DPYD: variants seen among roughly 807,000 people sequenced by gnomAD.
DPYD encodes dihydropyrimidine dehydrogenase, also known as dihydropyrimidine dehydrogenase [NADP(+)].
Under a neutral mutation model 116.2 loss-of-function variants are expected in DPYD, and 109 were observed. The observed-to-expected ratio is 0.94, with a 90% confidence interval of 0.80 to 1.10. The LOEUF (loss-of-function observed/expected upper bound fraction) is 1.10. Among genes scored for constraint, DPYD ranks in the 50% least tolerant of loss-of-function variants. DPYD has a pLI of 0.00. For synonymous variants in DPYD, 440 were observed against 432.0 expected (o/e 1.02, Z -0.23); for missense variants, 1,302 against 1,254.5 (o/e 1.04, Z -0.57).
chr1:97,453,669 C>T (rs534006612), intron 13 of DPYD, among the ~76,000 whole-genome samples: 2 of 152,058 alleles, frequency 1.3e-5, no homozygotes, highest in Non-Finnish European at 2.9e-5. Context: ...TTTCCCTCAT[C>T]AGTAATACCT....
intron 1 of DPYD, among the ~76,000 whole-genome samples, chr1:97,915,701 A>C (rs187057178): frequency 2.0e-4 from 31 of 152,328 alleles, no homozygotes; most frequent in African/African-American, 7.0e-4. Context: ...TTTTTAATTA[A>C]GGTGGAATAT....
At chr1:97,327,652 T>C (rs1668773991) in intron 16 of DPYD, among the ~76,000 whole-genome samples, 1 of 152,022 alleles carries the variant, frequency 6.6e-6, no homozygotes, top group Non-Finnish European at 1.5e-5. Flanking sequence ...CATTTTTATA[T>C]AAGGTGCATT....
chr1:97,724,408 C>A (rs903524029), intron 4 of DPYD, among the ~76,000 whole-genome samples: 1 of 149,708 alleles, frequency 6.7e-6, no homozygotes, highest in South Asian at 2.1e-4. Context: ...TAAGAACCTG[C>A]AAATTTCCAA....
chr1:97,360,131 C>CA (rs201420347), intron 16 of DPYD, among the ~76,000 whole-genome samples: 8,286 of 148,122 alleles, frequency 0.056, 315 homozygotes, highest in East Asian at 0.17. Flanking sequence ...AAATGGAAAG[C>CA]AAAAAAAAAG....
chr1:97,291,263 A>G (rs372866369), intron 18 of DPYD, among the ~76,000 whole-genome samples: 8 of 151,792 alleles, frequency 5.3e-5, no homozygotes, highest in East Asian at 1.9e-4. Context: ...TTCAACCATT[A>G]TGGAAGTCAG....
At chr1:97,620,217 T>C (rs983083008) in intron 8 of DPYD, among the ~76,000 whole-genome samples, 1 of 152,052 alleles carries the variant, frequency 6.6e-6, no homozygotes, top group African/African-American at 2.4e-5. Flanking sequence ...TTTGTCCTTT[T>C]AAAAAAAATT....
At chr1:97,248,345 A>G (rs1662859158) in intron 18 of DPYD, among the ~76,000 whole-genome samples, 1 of 152,086 alleles carries the variant, frequency 6.6e-6, no homozygotes, top group African/African-American at 2.4e-5. Flanking sequence ...GGTTTTAAAA[A>G]CAGGAGTTGC....
intron 10 of DPYD, among the ~76,000 whole-genome samples, chr1:97,574,889 T>C (rs947904134): frequency 6.6e-6 from 1 of 152,116 alleles, no homozygotes; most frequent in Non-Finnish European, 1.5e-5. Flanking sequence ...CTGGGTAATG[T>C]TTCCACTGAG....
intron 14 of DPYD, among the ~76,000 whole-genome samples, chr1:97,403,944 T>C (rs1673509692): frequency 6.6e-6 from 1 of 152,030 alleles, no homozygotes; most frequent in African/African-American, 2.4e-5. Flanking sequence ...TAAATTGCCC[T>C]TTAAGTACTA....
Position 97,243,331 on chromosome 1 carries a change from GCTTT to G in DPYD, c.2300-8341_2300-8338del, listed in dbSNP as rs143212245. On this transcript the variant is annotated intron_variant, in intron 18 of 22. Coordinates refer to ENST00000370192, the MANE Select transcript of DPYD (RefSeq NM_000110.4). ...AAATATAAATGCTCCTCTTTTGAGT[GCTTT>G]CTAATTGACAGATAGTTTCCTATTT... Among the ~76,000 whole-genome samples, 1,321 of 152,040 alleles carry G rather than the reference GCTTT, an allele frequency of 8.7e-3. 23 individuals carry two copies. The highest frequency in any genetic ancestry group is 0.03 in the African/African-American group (1,243 of 41,534).
intron 12 of DPYD, among the ~76,000 whole-genome samples, chr1:97,521,807 G>C (rs1238317170): frequency 6.6e-6 from 1 of 152,134 alleles, no homozygotes; most frequent in Admixed American, 6.5e-5. Flanking sequence ...AAGAAATGGG[G>C]AAAGGATTCC....
chr1:97,466,176 A>G (rs888317673), intron 13 of DPYD, among the ~76,000 whole-genome samples: 1 of 152,198 alleles, frequency 6.6e-6, no homozygotes. Flanking sequence ...TTATAACAAA[A>G]AAAGTTGGCA....
intron 3 of DPYD, among the ~76,000 whole-genome samples, chr1:97,785,396 T>C (rs1279042329): frequency 2.0e-5 from 3 of 152,186 alleles, no homozygotes; most frequent in Non-Finnish European, 4.4e-5. Context: ...ATCACTGTTT[T>C]ATGTTATGCA....
intron 11 of DPYD, among the ~76,000 whole-genome samples, chr1:97,573,093 T>C (rs1174885068): frequency 6.6e-6 from 1 of 152,086 alleles, no homozygotes; most frequent in Non-Finnish European, 1.5e-5. Context: ...AGTACCTAGA[T>C]ACATAAGCTT....
chr1:97,615,142 C>A lies in DPYD; in HGVS notation c.851-19976G>T, dbSNP rs548010444. On this transcript the variant is annotated intron_variant, in intron 8 of 22. Coordinates refer to ENST00000370192, the MANE Select transcript of DPYD (RefSeq NM_000110.4). ...ATGAGTAAGACACAATTCTTGTTTACAAAAATAAAAATTCATAAACCCATA... is the reference window on the plus strand; with the variant it reads ...ATGAGTAAGACACAATTCTTGTTTAAAAAAATAAAAATTCATAAACCCATA... 4.3e-3 allele frequency among the ~76,000 whole-genome samples: 655 copies of A among 152,162 alleles called. 5 individuals carry two copies. Among genetic ancestry groups the A allele is most frequent in the Non-Finnish European group, 7.4e-3 (506 of 67,964 alleles).
chr1:97,205,711 T>C lies in DPYD; in HGVS notation c.2443-12463A>G, dbSNP rs145196446. ...AGCCTAGGTTCAATCCAGGACTGCATGTTGCATCCAGTTGCTCTGTCCTTC... is the reference window on the plus strand; with the variant it reads ...AGCCTAGGTTCAATCCAGGACTGCACGTTGCATCCAGTTGCTCTGTCCTTC... On this transcript the variant is annotated intron_variant, in intron 19 of 22. Coordinates refer to ENST00000370192, the MANE Select transcript of DPYD (RefSeq NM_000110.4). Among the ~76,000 whole-genome samples, 70 of 152,286 alleles carry C rather than the reference T, an allele frequency of 4.6e-4. 1 individual carries two copies. The East Asian group carries it at 8.1e-3, about 18-fold the overall frequency.
chr1:97,228,550 T>C (rs1023661009), intron 19 of DPYD, among the ~76,000 whole-genome samples: 1 of 152,226 alleles, frequency 6.6e-6, no homozygotes, highest in Non-Finnish European at 1.5e-5. Flanking sequence ...ACATGATGAA[T>C]AGTGTATGAG....
chr1:97,079,105 G>A lies in DPYD; in HGVS notation c.2949C>T (p.Thr983=), dbSNP rs1315586477. 1.6e-5 allele frequency: 26 copies of A among 1,613,512 alleles called. No homozygotes were observed. The highest frequency in any genetic ancestry group is 2.0e-5 in the Non-Finnish European group (24 of 1,179,720). ...FDPETHLPTI[T]DTCTGCTLCL... ...ACAGAGTACAGCCTGTACAAGTGTC[G>A]GTTATGGTGGGCAGGTGGGTTTCTG... Residue 983 remains threonine, a synonymous_variant, in exon 23 of 23, where the codon ACC becomes ACT. Transcript: ENST00000370192.
At chr1:97,109,719 A>C (rs1651451725) in intron 20 of DPYD, among the ~76,000 whole-genome samples, 1 of 152,096 alleles carries the variant, frequency 6.6e-6, no homozygotes, top group South Asian at 2.1e-4. Context: ...GATCCATCTA[A>C]AACCCTATTT....
Sources: gnomAD v4.1 joint callset for allele counts (sites outside exome capture counted in the v4.1 genomes callset) on GRCh38, gnomAD v4.1.1 for gene constraint, MANE v1.5 for transcripts, NCBI Gene and HGNC (gene_info 2026-07-23, HGNC 2026-07-21) for gene names.